Variants in MDGA2 observed in about 807,000 individuals in gnomAD.
MDGA2 encodes MAM domain containing glycosylphosphatidylinositol anchor 2.
A neutral mutation model predicts 117.8 loss-of-function variants in MDGA2; 40 were observed. The ratio of observed to expected loss-of-function variants is 0.34; its 90% CI spans 0.26 to 0.44. MDGA2 has a LOEUF of 0.44. MDGA2 is among the 20% of genes least tolerant of loss of function. MDGA2 has a pLI of 1.00. For synonymous variants in MDGA2, 452 were observed against 439.0 expected (o/e 1.03, Z -0.37); for missense variants, 1,123 against 1,250.6 (o/e 0.90, Z 1.54).
intron 9 of MDGA2, among the ~76,000 whole-genome samples, chr14:46,932,209 T>C (rs148399084): frequency 8.2e-4 from 125 of 152,102 alleles, no homozygotes; most frequent in African/African-American, 2.9e-3. Context: ...TAAAGAACGA[T>C]AGTAATTAAA....
chr14:47,105,331 T>C (rs1336776446), intron 5 of MDGA2, among the ~76,000 whole-genome samples: 37 of 149,446 alleles, frequency 2.5e-4, no homozygotes, highest in South Asian at 8.5e-4. Context: ...CCCTTATTTC[T>C]GTGCCCCAAC....
At chr14:47,389,071 T>A (rs749816664) in intron 1 of MDGA2, among the ~76,000 whole-genome samples, 3 of 152,190 alleles carry the variant, frequency 2.0e-5, no homozygotes, top group Non-Finnish European at 4.4e-5. Flanking sequence ...TATATAAAGT[T>A]ATGCATTATC....
At chr14:47,636,497 G>C (rs998745831) in intron 1 of MDGA2, among the ~76,000 whole-genome samples, 3 of 152,224 alleles carry the variant, frequency 2.0e-5, no homozygotes, top group Admixed American at 6.5e-5. Context: ...ATAAATGCTT[G>C]AGTGGGCCGG....
At chr14:47,153,290 T>C (rs1883232786) in intron 3 of MDGA2, among the ~76,000 whole-genome samples, 1 of 152,030 alleles carries the variant, frequency 6.6e-6, no homozygotes. Context: ...AGGGTGACAA[T>C]GGGCATGGAG....
At chr14:47,172,450 A>G (rs7158288) in intron 3 of MDGA2, among the ~76,000 whole-genome samples, 2,573 of 151,910 alleles carry the variant, frequency 0.017, 73 homozygotes, top group African/African-American at 0.059. Context: ...CTGAGACAAA[A>G]CTTCCAGCGG....
intron 1 of MDGA2, among the ~76,000 whole-genome samples, chr14:47,393,898 A>G (rs1257750221): frequency 6.6e-6 from 1 of 152,150 alleles, no homozygotes; most frequent in African/African-American, 2.4e-5. Flanking sequence ...TTTGACTATA[A>G]ATATAAACGA....
chr14:47,057,558 T>C (rs1450754405), intron 7 of MDGA2, among the ~76,000 whole-genome samples: 2 of 152,000 alleles, frequency 1.3e-5, no homozygotes, highest in Non-Finnish European at 2.9e-5. Flanking sequence ...ATAGTTTTTA[T>C]CAATCAAATT....
At chr14:46,996,283 A>G (rs968748100) in intron 8 of MDGA2, among the ~76,000 whole-genome samples, 1 of 152,238 alleles carries the variant, frequency 6.6e-6, no homozygotes, top group Non-Finnish European at 1.5e-5. Context: ...AATGCCAAGG[A>G]AAACCAGTGA....
chr14:47,512,194 T>C (rs1267735033), intron 1 of MDGA2, among the ~76,000 whole-genome samples: 1 of 152,172 alleles, frequency 6.6e-6, no homozygotes, highest in African/African-American at 2.4e-5. Context: ...TGTGGACACA[T>C]AAACATGTTA....
chr14:47,553,250 T>C (rs1895619725), intron 1 of MDGA2, among the ~76,000 whole-genome samples: 2 of 152,236 alleles, frequency 1.3e-5, no homozygotes, highest in South Asian at 4.1e-4. Flanking sequence ...GGGCAAAGAA[T>C]TTTGTGTACT....
intron 1 of MDGA2, among the ~76,000 whole-genome samples, chr14:47,653,149 G>T (rs1424111916): frequency 2.0e-5 from 3 of 152,146 alleles, no homozygotes; most frequent in Non-Finnish European, 4.4e-5. Flanking sequence ...ATGTGAAATT[G>T]CCACAGTTAA....
At chr14:47,308,494 TTC>T (rs1594786522) in intron 1 of MDGA2, among the ~76,000 whole-genome samples, 1 of 132,522 alleles carries the variant, frequency 7.5e-6, no homozygotes, top group Non-Finnish European at 1.6e-5. Context: ...TTCCCTCTCT[TTC>T]TGTTAGTTTT....
intron 1 of MDGA2, among the ~76,000 whole-genome samples, chr14:47,318,679 T>C (rs1594792944): frequency 6.6e-6 from 1 of 151,922 alleles, no homozygotes; most frequent in East Asian, 2.0e-4. Flanking sequence ...GACCAGCACA[T>C]TGTGTTGTTC....
intron 3 of MDGA2, 91 bp from the exon 4 acceptor site, chr14:47,144,365 T>G: frequency 4.7e-5 from 38 of 801,384 alleles, no homozygotes; most frequent in Non-Finnish European, 6.3e-5. Context: ...AAAATGCATA[T>G]TCCTCATTGA....
chr14:47,371,556 A>G (rs1891359681), intron 1 of MDGA2, among the ~76,000 whole-genome samples: 1 of 151,804 alleles, frequency 6.6e-6, no homozygotes, highest in African/African-American at 2.4e-5. Context: ...AAATAGTTTG[A>G]GGATGGTAAG....
chr14:47,270,386 GAGAAGCGTTAAT>G (rs1338555137), intron 2 of MDGA2, among the ~76,000 whole-genome samples: 1 of 152,172 alleles, frequency 6.6e-6, no homozygotes, highest in Non-Finnish European at 1.5e-5. Flanking sequence ...TAACTGAGAA[GAGAAGCGTTAAT>G]ATTCATGTGG....
Position 46,841,758 on chromosome 14 carries a change from C to A in MDGA2, c.*173G>T. 2.1e-6 allele frequency: 1 copy of A among 474,632 alleles called. No individual in the cohort carries two copies. Among genetic ancestry groups the A allele is most frequent in the East Asian group, 3.2e-5 (1 of 30,844 alleles). 29.4% of individuals were successfully genotyped at this position (474,632 alleles called of 1,614,324 possible). Reference sequence around the variant, plus strand: ...TTTAGTCTGGAATAAGTTATACTTCCATGATGTCTTTTTATCCCCAGTGCT... The same window carrying A: ...TTTAGTCTGGAATAAGTTATACTTCAATGATGTCTTTTTATCCCCAGTGCT... On this transcript the variant is annotated 3_prime_UTR_variant, in exon 17 of 17. Transcript: ENST00000399232.
intron 1 of MDGA2, among the ~76,000 whole-genome samples, chr14:47,396,582 C>G (rs1892014753): frequency 6.6e-6 from 1 of 152,142 alleles, no homozygotes; most frequent in Admixed American, 6.5e-5. Context: ...TTTTTGCAAT[C>G]TATCCATCTG....
chr14:47,169,017 TA>T (rs1437438350), intron 3 of MDGA2, among the ~76,000 whole-genome samples: 3 of 151,980 alleles, frequency 2.0e-5, no homozygotes, highest in Non-Finnish European at 2.9e-5. Context: ...TTCAGATATA[TA>T]GATAGATAGA....
Sources: gnomAD v4.1 joint callset for allele counts (sites outside exome capture counted in the v4.1 genomes callset) on GRCh38, gnomAD v4.1.1 for gene constraint, MANE v1.5 for transcripts, NCBI Gene and HGNC (gene_info 2026-07-23, HGNC 2026-07-21) for gene names.